NTM: variants seen among roughly 807,000 people sequenced by gnomAD.
The protein encoded by NTM is IgLON family member 2.
In NTM, 13 loss-of-function variants were observed where a neutral mutation model predicts 42.1. The ratio of observed to expected loss-of-function variants is 0.31; its 90% confidence interval spans 0.20 to 0.49. The LOEUF (loss-of-function observed/expected upper bound fraction) is 0.49. NTM is among the 20% of genes least tolerant of loss of function. The pLI is 0.99. For missense variants in NTM, 373 were observed against 452.8 expected (o/e 0.82, Z 1.60); for synonymous variants, 187 against 179.2 (o/e 1.04, Z -0.35).
chr11:131,928,359 G>A lies in NTM; in HGVS notation c.167+16711G>A, dbSNP rs1007843080. Reference sequence around the variant, plus strand: ...GGCACTAAACAAGTTATTTCATATTGTTAATACATTCCATTAGCAAAAACA... The same window carrying A: ...GGCACTAAACAAGTTATTTCATATTATTAATACATTCCATTAGCAAAAACA... On this transcript the variant is annotated intron_variant, in intron 2 of 8. Coordinates refer to ENST00000683400, the MANE Select transcript of NTM (RefSeq NM_001352005.2). Among the ~76,000 whole-genome samples the A allele has an allele frequency of 9.8e-5, 15 of 152,344 alleles. No homozygotes were observed. The East Asian group carries it at 2.3e-3, about 23-fold the overall frequency.
intron 2 of NTM, among the ~76,000 whole-genome samples, chr11:131,945,774 T>C (rs2060274228): frequency 6.6e-6 from 1 of 152,162 alleles, no homozygotes; most frequent in Middle Eastern, 3.2e-3. Flanking sequence ...GCTCCCAAAG[T>C]CTCACTTAGA....
chr11:131,778,712 T>C (rs754179911), intron 1 of NTM, among the ~76,000 whole-genome samples: 3 of 152,218 alleles, frequency 2.0e-5, no homozygotes, highest in Non-Finnish European at 4.4e-5. Context: ...CAATATTGAC[T>C]CTCTTTCCCA....
At chr11:131,887,060 G>A (rs1047495620) in intron 1 of NTM, among the ~76,000 whole-genome samples, 2 of 152,182 alleles carry the variant, frequency 1.3e-5, no homozygotes, top group African/African-American at 2.4e-5. Flanking sequence ...TTCTGGAGAA[G>A]TAACGTACAG....
At chr11:131,549,672 T>C (rs528705647) in intron 1 of NTM, among the ~76,000 whole-genome samples, 1 of 152,296 alleles carries the variant, frequency 6.6e-6, no homozygotes, top group African/African-American at 2.4e-5. Context: ...GCCCCATGTG[T>C]TCAGGTGTCT....
At chr11:131,419,456 G>C (rs1947285031) in intron 1 of NTM, among the ~76,000 whole-genome samples, 1 of 152,250 alleles carries the variant, frequency 6.6e-6, no homozygotes, top group African/African-American at 2.4e-5. Context: ...AGGACACCTA[G>C]GCTGAGGCCT....
intron 2 of NTM, among the ~76,000 whole-genome samples, chr11:132,085,032 A>G (rs1027955854): frequency 6.6e-6 from 1 of 152,194 alleles, no homozygotes; most frequent in African/African-American, 2.4e-5. Flanking sequence ...TCAATGCTCA[A>G]TTTACAGAGT....
intron 1 of NTM, among the ~76,000 whole-genome samples, chr11:131,580,238 C>T (rs2058286901): frequency 6.6e-6 from 1 of 152,206 alleles, no homozygotes; most frequent in South Asian, 2.1e-4. Context: ...TGCCCACTGT[C>T]ACATATTTGT....
chr11:132,137,418 T>A (rs755280732), intron 2 of NTM, among the ~76,000 whole-genome samples: 1 of 152,220 alleles, frequency 6.6e-6, no homozygotes, highest in Non-Finnish European at 1.5e-5. Context: ...TTCTTTGAGC[T>A]GGCCTTTGCA....
At chr11:131,726,368 C>G (rs2078974729) in intron 1 of NTM, among the ~76,000 whole-genome samples, 1 of 144,868 alleles carries the variant, frequency 6.9e-6, no homozygotes, top group Non-Finnish European at 1.5e-5. Flanking sequence ...CCCTGTGGTC[C>G]ACTTGCTTCC....
At chr11:131,858,704 C>G (rs930472940) in intron 1 of NTM, among the ~76,000 whole-genome samples, 2 of 152,130 alleles carry the variant, frequency 1.3e-5, no homozygotes, top group African/African-American at 4.8e-5. Context: ...CACGTTGAGC[C>G]GCAGCAGCTG....
intron 2 of NTM, among the ~76,000 whole-genome samples, chr11:132,097,715 T>C (rs1191142570): frequency 6.6e-6 from 1 of 152,250 alleles, no homozygotes; most frequent in African/African-American, 2.4e-5. Context: ...AGTAGAGACT[T>C]CGTGAACACT....
intron 4 of NTM, among the ~76,000 whole-genome samples, chr11:132,279,414 A>G (rs995681095): frequency 6.6e-6 from 1 of 152,058 alleles, no homozygotes; most frequent in African/African-American, 2.4e-5. Context: ...TCTCGCTCCA[A>G]TCTTGCAGAT....
intron 3 of NTM, among the ~76,000 whole-genome samples, chr11:132,169,476 C>T (rs765160656): frequency 2.0e-5 from 3 of 151,278 alleles, no homozygotes; most frequent in Admixed American, 6.6e-5. Flanking sequence ...GCTGGGACTA[C>T]AGGTGCCCAC....
At chr11:131,640,412 G>A (rs1266952259) in intron 1 of NTM, among the ~76,000 whole-genome samples, 1 of 152,160 alleles carries the variant, frequency 6.6e-6, no homozygotes, top group South Asian at 2.1e-4. Flanking sequence ...GTAAAGCCCA[G>A]GGAGGACTCA....
chr11:131,538,263 C>G (rs1236682099), intron 1 of NTM: 1 of 152,206 alleles, frequency 6.6e-6, no homozygotes, highest in Non-Finnish European at 1.5e-5. Flanking sequence ...CTTGAGAAAT[C>G]TAAACAATAG....
At position 131,456,560 on chromosome 11, in the gene NTM, C is replaced by T. The variant is rs899111583; in HGVS notation, c.82+85672C>T. Among the ~76,000 whole-genome samples, 32 of 149,280 alleles carry T rather than the reference C, an allele frequency of 2.1e-4. 1 individual carries two copies. Among genetic ancestry groups the T allele is most frequent in the Admixed American group, 2.1e-3 (32 of 15,182 alleles). ...CTCTTTGCCTCAGGGAGGGGTGCTG[C>T]AGGGTAAGCAGCTTGCAAAGAGGGG... On this transcript the variant is annotated intron_variant, in intron 1 of 8. Coordinates refer to ENST00000683400, the MANE Select transcript of NTM (RefSeq NM_001352005.2).
At chr11:132,032,824 T>A (rs2076088920) in intron 2 of NTM, among the ~76,000 whole-genome samples, 2 of 152,248 alleles carry the variant, frequency 1.3e-5, no homozygotes, top group African/African-American at 4.8e-5. Context: ...TTTATTCACA[T>A]CTCATCATAT....
At chr11:131,575,531 T>C (rs1200422771) in intron 1 of NTM, among the ~76,000 whole-genome samples, 1 of 152,144 alleles carries the variant, frequency 6.6e-6, no homozygotes, top group East Asian at 1.9e-4. Flanking sequence ...CTGAGGAGCA[T>C]AGTTAATGAA....
intron 1 of NTM, among the ~76,000 whole-genome samples, chr11:131,745,478 G>T (rs1195874028): frequency 6.6e-6 from 1 of 152,168 alleles, no homozygotes; most frequent in Non-Finnish European, 1.5e-5. Context: ...TGCTTGATCG[G>T]AGCCTTTTCC....
Sources: gnomAD v4.1 joint callset for allele counts (sites outside exome capture counted in the v4.1 genomes callset) on GRCh38, gnomAD v4.1.1 for gene constraint, MANE v1.5 for transcripts, NCBI Gene and HGNC (gene_info 2026-07-23, HGNC 2026-07-21) for gene names.